Variants in GPR39 observed in about 807,000 individuals in gnomAD.
GPR39 encodes G protein-coupled receptor 39, also known as zinc sensing receptor.
A neutral mutation model predicts 18.4 loss-of-function variants in GPR39; 23 were observed. The observed-to-expected ratio is 1.25, with a 90% CI of 0.90 to 1.77. The LOEUF is 1.77. Ranked by LOEUF, GPR39 falls within the 40% of genes most tolerant of loss-of-function variation. The probability of loss-of-function intolerance (pLI) is 0.00; values close to 1 mark genes in which losing one functional copy is unlikely to be tolerated. For synonymous variants in GPR39, 280 were observed against 257.9 expected, an observed-to-expected ratio of 1.09 and a Z score of -0.82; for missense variants, 647 against 602.4, an observed-to-expected ratio of 1.07 and a Z score of -0.78.
At chr2:132,422,698 T>C (rs915000385) in intron 1 of GPR39, among the ~76,000 whole-genome samples, 1 of 152,106 alleles carries the variant, frequency 6.6e-6, no homozygotes, top group Non-Finnish European at 1.5e-5. Flanking sequence ...AAATATTTTA[T>C]GTTTATTACC....
chr2:132,532,027 C>CA (rs1270338608), intron 1 of GPR39, among the ~76,000 whole-genome samples: 2 of 152,144 alleles, frequency 1.3e-5, no homozygotes, highest in East Asian at 1.9e-4. Context: ...GATAGAGACA[C>CA]AAAAAACCCT....
At chr2:132,501,054 GTTTTTT>G (rs55720929) in intron 1 of GPR39, among the ~76,000 whole-genome samples, 1 of 90,326 alleles carries the variant, frequency 1.1e-5, no homozygotes, top group Non-Finnish European at 2.2e-5. Context: ...TATCTTTTGT[GTTTTTT>G]TTTTTTTTTT....
At chr2:132,645,057 G>GT in intron 1 of GPR39, 44 bp from the exon 2 acceptor site, 2 of 1,573,532 alleles carry the variant, frequency 1.3e-6, no homozygotes, top group Non-Finnish European at 1.7e-6. Context: ...CTCATGCTGT[G>GT]TTTTTCTTTT....
intron 1 of GPR39, among the ~76,000 whole-genome samples, chr2:132,625,084 T>C (rs1681517077): frequency 6.6e-6 from 1 of 152,066 alleles, no homozygotes; most frequent in African/African-American, 2.4e-5. Flanking sequence ...TTTTTTTTTT[T>C]TTTTGCTTCT....
At chr2:132,437,452 C>T (rs982287802) in intron 1 of GPR39, among the ~76,000 whole-genome samples, 3 of 152,042 alleles carry the variant, frequency 2.0e-5, no homozygotes, top group African/African-American at 7.2e-5. Context: ...TGGGGAGGGT[C>T]GTGGAGACCA....
At position 132,628,844 on chromosome 2, in the gene GPR39, G is replaced by GTTTTCC. The variant is rs1309545064; in HGVS notation, c.857-16257_857-16256insTTTTCC. On this transcript the variant is annotated intron_variant, in intron 1 of 1. Transcript: ENST00000329321. ...AAGACCTTGGCACACACTTTAATGA[G>GTTTTCC]ATTCAGTTTTTTCCATATTTTTCAA... Among the ~76,000 whole-genome samples, 151 of 152,198 alleles carry GTTTTCC rather than the reference G, an allele frequency of 9.9e-4. 2 individuals carry two copies. Among genetic ancestry groups the GTTTTCC allele is most frequent in the African/African-American group, 3.4e-3 (143 of 41,534 alleles).
At chr2:132,575,473 T>A (rs1226245208) in intron 1 of GPR39, among the ~76,000 whole-genome samples, 1 of 152,214 alleles carries the variant, frequency 6.6e-6, no homozygotes, top group Admixed American at 6.5e-5. Context: ...GATAGTTAAA[T>A]TGATCCTCCT....
rs142987141 is a variant in GPR39 at position 132,581,925 on chromosome 2, G to A, written c.857-63176G>A. On this transcript the variant is annotated intron_variant, in intron 1 of 1. Coordinates refer to ENST00000329321, the MANE Select transcript of GPR39 (RefSeq NM_001508.3). ...TACTGAATCTTTCTATGACTGTGGT[G>A]TTGTTTACTGCAGATGTTTCAAAAA... Among the ~76,000 whole-genome samples the A allele has an allele frequency of 3.4e-3, 510 of 152,224 alleles. 1 individual carries two copies. Among genetic ancestry groups the A allele is most frequent in the East Asian group, 7.3e-3 (38 of 5,184 alleles).
rs191088469 is a variant in GPR39, at chr2:132,550,679, G to A, written c.857-94422G>A. Among the ~76,000 whole-genome samples the A allele has an allele frequency of 3.9e-5, 6 of 152,284 alleles. No homozygotes were observed. In the East Asian group the frequency reaches 1.2e-3, roughly 29 times the overall value. On this transcript the variant is annotated intron_variant, in intron 1 of 1. Transcript: ENST00000329321. ...ATGTCAGATCTGAAGGGGACCCCAG[G>A]AGTTATCCAGTCTAACTTCATATTA...
At chr2:132,532,717 G>A (rs1483194733) in intron 1 of GPR39, among the ~76,000 whole-genome samples, 1 of 152,066 alleles carries the variant, frequency 6.6e-6, no homozygotes, top group Non-Finnish European at 1.5e-5. Flanking sequence ...ACATAATCCG[G>A]CATATAAACA....
intron 1 of GPR39, 28 bp downstream of exon 1, chr2:132,417,926 G>T: frequency 6.5e-7 from 1 of 1,544,830 alleles, no homozygotes; most frequent in South Asian, 1.2e-5. Context: ...GGCAACACGT[G>T]AGCAGCTTCC....
intron 1 of GPR39, among the ~76,000 whole-genome samples, chr2:132,438,697 T>A (rs1466033611): frequency 6.7e-6 from 1 of 149,714 alleles, no homozygotes; most frequent in Non-Finnish European, 1.5e-5. Flanking sequence ...AAGAAAAAAA[T>A]TTACCAACTG....
chr2:132,478,378 A>T (rs545654506), intron 1 of GPR39, among the ~76,000 whole-genome samples: 18 of 140,722 alleles, frequency 1.3e-4, no homozygotes, highest in African/African-American at 4.4e-4. Flanking sequence ...ATGAATGAGA[A>T]TTTTCAGGCC....
intron 1 of GPR39, among the ~76,000 whole-genome samples, chr2:132,607,265 C>T (rs1681157141): frequency 6.6e-6 from 1 of 152,162 alleles, no homozygotes. Context: ...TGTCCTTTTC[C>T]TGTCCTTTGC....
chr2:132,441,634 T>TC (rs1680441811), intron 1 of GPR39, among the ~76,000 whole-genome samples: 1 of 152,174 alleles, frequency 6.6e-6, no homozygotes, highest in South Asian at 2.1e-4. Flanking sequence ...TTCTTTTTCT[T>TC]CCCCTTCTCT....
chr2:132,492,043 ATATACACCACATATATATG>A (rs1558814053), intron 1 of GPR39, among the ~76,000 whole-genome samples: 5 of 150,202 alleles, frequency 3.3e-5, no homozygotes, highest in African/African-American at 5.0e-5. Flanking sequence ...CACCACATAT[ATATACACCACATATATATG>A]TATACACCAC....
chr2:132,426,528 C>T (rs962733328), intron 1 of GPR39, among the ~76,000 whole-genome samples: 8 of 152,202 alleles, frequency 5.3e-5, no homozygotes, highest in Non-Finnish European at 1.0e-4. Flanking sequence ...AAGGGAGATG[C>T]CTGTACCCCT....
At chr2:132,477,109 G>T (rs1298348027) in intron 1 of GPR39, among the ~76,000 whole-genome samples, 1 of 152,200 alleles carries the variant, frequency 6.6e-6, no homozygotes, top group Non-Finnish European at 1.5e-5. Context: ...TGGACCCAGT[G>T]GGAATAATAA....
intron 1 of GPR39, among the ~76,000 whole-genome samples, chr2:132,423,354 C>T (rs930638120): frequency 4.6e-5 from 7 of 152,100 alleles, no homozygotes; most frequent in South Asian, 4.2e-4. Flanking sequence ...CAGATTAGGG[C>T]CCCACCCTTA....
Sources: allele counts gnomAD v4.1 joint callset (sites outside exome capture counted in the v4.1 genomes callset), GRCh38; gene constraint gnomAD v4.1.1; transcripts MANE v1.5; gene names NCBI Gene and HGNC (gene_info 2026-07-23, HGNC 2026-07-21).